Variants in MICOS10 observed in about 807,000 individuals in gnomAD.
The protein encoded by MICOS10 is mitochondrial contact site and cristae organizing system subunit 10.
A neutral mutation model predicts 13.4 loss-of-function variants in MICOS10; 5 were observed. That is an observed-to-expected ratio of 0.37 (90% confidence interval 0.20 to 0.78). MICOS10 has a LOEUF of 0.78. Among genes scored for constraint, MICOS10 ranks in the 30% least tolerant of loss-of-function variants. MICOS10 has a pLI of 0.47. For synonymous variants in MICOS10, 35 were observed against 33.6 expected (o/e 1.04, Z -0.15); for missense variants, 101 against 94.6 (o/e 1.07, Z -0.28).
chr1:19,599,265 C>T (rs12024554), intron 1 of MICOS10, among the ~76,000 whole-genome samples: 30,912 of 151,918 alleles, frequency 0.2, 4,162 homozygotes, highest in East Asian at 0.52. Context: ...CCATATTCCT[C>T]AGGCCGGTCT....
chr1:19,623,831 G>T (rs1299015887), intron 3 of MICOS10: 2 of 326,728 alleles, frequency 6.1e-6, no homozygotes, highest in Non-Finnish European at 1.1e-5. Flanking sequence ...GAATTAAGGA[G>T]CCTGCTTGAA....
chr1:19,601,654 C>T (rs2094815761), intron 1 of MICOS10, among the ~76,000 whole-genome samples: 1 of 150,268 alleles, frequency 6.7e-6, no homozygotes, highest in African/African-American at 2.4e-5. Context: ...GGTTTTAAAA[C>T]CTCTATTTAT....
At chr1:19,614,436 C>T (rs2094875882) in intron 1 of MICOS10, 1 of 151,266 alleles carries the variant, frequency 6.6e-6, no homozygotes, top group Non-Finnish European at 1.5e-5. Flanking sequence ...ATTCACTCTC[C>T]TCTCTCTCTT....
At chr1:19,597,350 G>T (rs2094796168) in intron 1 of MICOS10, among the ~76,000 whole-genome samples, 1 of 152,326 alleles carries the variant, frequency 6.6e-6, no homozygotes, top group Non-Finnish European at 1.5e-5. Context: ...GGAGGAGGTG[G>T]TCGGGGTTGG....
rs766090216 is a variant in MICOS10 at position 19,597,008 on chromosome 1, G to T, written c.-38G>T. On this transcript the variant is annotated 5_prime_UTR_variant, in exon 1 of 4. Coordinates refer to ENST00000322753, the MANE Select transcript of MICOS10 (RefSeq NM_001032363.4). Reference sequence around the variant, plus strand: ...GACTTTCAGGGGTCGGAGCGCGGGGGCCGGCCGAGAGGAAAGCTGGAGGCG... The same window carrying T: ...GACTTTCAGGGGTCGGAGCGCGGGGTCCGGCCGAGAGGAAAGCTGGAGGCG... 2.6e-6 allele frequency: 4 copies of T among 1,568,438 alleles called. No homozygotes were observed. The highest frequency in any genetic ancestry group is 3.4e-6 in the Non-Finnish European group (4 of 1,160,698).
Position 19,623,600 on chromosome 1 carries a change from T to C in MICOS10, c.222+17T>C. ...TATGTCAAAGTATGTACAGAATATATATTTCTCTTTCCTTCAGAAGAAAAA... is the reference window on the plus strand; with the variant it reads ...TATGTCAAAGTATGTACAGAATATACATTTCTCTTTCCTTCAGAAGAAAAA... On this transcript the variant is annotated intron_variant, in intron 3 of 3. Coordinates refer to ENST00000322753, the MANE Select transcript of MICOS10 (RefSeq NM_001032363.4). 6.6e-7 allele frequency: 1 copy of C among 1,522,658 alleles called. No individual in the cohort carries two copies. The highest frequency in any genetic ancestry group is 9.1e-7 in the Non-Finnish European group (1 of 1,101,072). The allele number at this position is 1,522,658 out of a possible 1,614,324, so 94.3% of individuals were successfully genotyped here.
rs183836795 is a variant in MICOS10, at chr1:19,623,412, A to C, written c.113-62A>C. ...ACCCTAAGTAAATGTATTTAAGAGG[A>C]TGGGGAGCTTTATCTTCTCTTAATA... On this transcript the variant is annotated intron_variant, in intron 2 of 3. Coordinates refer to ENST00000322753, the MANE Select transcript of MICOS10 (RefSeq NM_001032363.4). The C allele has an allele frequency of 3.1e-6, 3 of 969,192 alleles. No individual in the cohort carries two copies. In the East Asian group the frequency reaches 7.2e-5, roughly 23 times the overall value. The allele number at this position is 969,192 out of a possible 1,614,324, so 60.0% of individuals were successfully genotyped here.
At chr1:19,624,007 T>C (rs1219019889) in intron 3 of MICOS10, among the ~76,000 whole-genome samples, 1 of 152,238 alleles carries the variant, frequency 6.6e-6, no homozygotes, top group Admixed American at 6.5e-5. Context: ...TTTCATTTTT[T>C]TGAGACGGAG....
intron 1 of MICOS10, among the ~76,000 whole-genome samples, chr1:19,620,877 C>G (rs1329737451): frequency 6.6e-6 from 1 of 152,140 alleles, no homozygotes; most frequent in Non-Finnish European, 1.5e-5. Context: ...GGCATGGAGT[C>G]AGAGGGACAA....
At chr1:19,608,344 C>T (rs765942894) in intron 1 of MICOS10, 1 of 1,288,288 alleles carries the variant, frequency 7.8e-7, no homozygotes, top group South Asian at 1.2e-5. Context: ...CTATGTTGAC[C>T]ACCCAGGATG....
At chr1:19,610,863 GT>G (rs2094857928) in intron 1 of MICOS10, among the ~76,000 whole-genome samples, 1 of 152,114 alleles carries the variant, frequency 6.6e-6, no homozygotes, top group Admixed American at 6.6e-5. Flanking sequence ...TACTAGGAAG[GT>G]AGTCTTAAGA....
At chr1:19,604,617 T>G (rs1350469046) in intron 1 of MICOS10, among the ~76,000 whole-genome samples, 1 of 152,180 alleles carries the variant, frequency 6.6e-6, no homozygotes, top group East Asian at 1.9e-4. Context: ...TAGGTGGGTC[T>G]TATTGTGGGT....
intron 1 of MICOS10, among the ~76,000 whole-genome samples, chr1:19,598,746 G>A (rs1351293835): frequency 6.6e-6 from 1 of 151,882 alleles, no homozygotes; most frequent in Admixed American, 6.6e-5. Context: ...TCTCAACTAC[G>A]AAATGGTGAT....
chr1:19,617,389 G>A, intron 1 of MICOS10: 1 of 811,448 alleles, frequency 1.2e-6, no homozygotes, highest in Non-Finnish European at 1.5e-6. Context: ...AATGCTCTTT[G>A]TCAGTGTTGA....
At chr1:19,600,112 T>G (rs1210717411) in intron 1 of MICOS10, among the ~76,000 whole-genome samples, 1 of 152,172 alleles carries the variant, frequency 6.6e-6, no homozygotes, top group Admixed American at 6.5e-5. Flanking sequence ...CAGTTACTTT[T>G]GCACCAACCT....
intron 1 of MICOS10, among the ~76,000 whole-genome samples, chr1:19,619,883 C>T (rs918551277): frequency 1.3e-5 from 2 of 152,174 alleles, no homozygotes; most frequent in Non-Finnish European, 2.9e-5. Flanking sequence ...TTGTTATGCT[C>T]CCCACCCCCT....
intron 3 of MICOS10, chr1:19,625,426 C>A: frequency 7.8e-7 from 1 of 1,289,382 alleles, no homozygotes; most frequent in Non-Finnish European, 1.0e-6. Context: ...TGCAGCCAGC[C>A]CATGTCTGCT....
At chr1:19,598,424 GA>G (rs1411184528) in intron 1 of MICOS10, among the ~76,000 whole-genome samples, 1 of 152,168 alleles carries the variant, frequency 6.6e-6, no homozygotes, top group African/African-American at 2.4e-5. Flanking sequence ...TCAGAGAGAA[GA>G]CTTAACACCT....
At chr1:19,601,576 CA>C (rs1264446193) in intron 1 of MICOS10, among the ~76,000 whole-genome samples, 11,430 of 91,238 alleles carry the variant, frequency 0.13, 513 homozygotes, top group Non-Finnish European at 0.16. Context: ...GACCCTTTCT[CA>C]AAAAAAAAAA....
Sources: gnomAD v4.1 joint callset for allele counts (sites outside exome capture counted in the v4.1 genomes callset) on GRCh38, gnomAD v4.1.1 for gene constraint, MANE v1.5 for transcripts, NCBI Gene and HGNC (gene_info 2026-07-23, HGNC 2026-07-21) for gene names.